GRID2: variants seen among roughly 807,000 people sequenced by gnomAD.
GRID2 encodes the protein glutamate receptor ionotropic, delta-2.
In GRID2, 33 loss-of-function variants were observed where a neutral mutation model predicts 114.8. That is an observed-to-expected ratio of 0.29 (90% CI 0.22 to 0.38). GRID2 has a LOEUF of 0.38. Ranked by LOEUF, GRID2 falls within the 10% of genes least tolerant of loss-of-function variation. GRID2 has a pLI of 1.00. For missense variants in GRID2, 1,184 were observed against 1,257.7 expected, an observed-to-expected ratio of 0.94 and a Z score of 0.89; for synonymous variants, 505 against 449.9, an observed-to-expected ratio of 1.12 and a Z score of -1.55.
chr4:93,548,977 G>C (rs1303810771), intron 13 of GRID2, among the ~76,000 whole-genome samples: 1 of 151,770 alleles, frequency 6.6e-6, no homozygotes, highest in African/African-American at 2.4e-5. Context: ...ATAAAATCAA[G>C]GTGTAGAAGA....
chr4:93,492,260 G>A (rs1487050368), intron 12 of GRID2, among the ~76,000 whole-genome samples: 2 of 151,824 alleles, frequency 1.3e-5, no homozygotes, highest in African/African-American at 4.8e-5. Flanking sequence ...TGATGCATTA[G>A]CTTATTTAAA....
At position 92,444,293 on chromosome 4, in the gene GRID2, C is replaced by G. The variant is rs556699277; in HGVS notation, c.88+139549C>G. ...CACCTGGGTGCAGGCAGGCTGAGTC[C>G]GTAAAGAGAGTCAGTGAAGGGAGAT... On this transcript the variant is annotated intron_variant, in intron 1 of 15. Transcript: ENST00000282020. Among the ~76,000 whole-genome samples, 35 of 152,044 alleles carry G rather than the reference C, an allele frequency of 2.3e-4. No homozygotes were observed. The South Asian group carries it at 7.3e-3, about 32-fold the overall frequency.
intron 1 of GRID2, among the ~76,000 whole-genome samples, chr4:92,500,010 A>G (rs1489734546): frequency 1.3e-5 from 2 of 152,172 alleles, no homozygotes; most frequent in Non-Finnish European, 2.9e-5. Context: ...CTGTTCTTTC[A>G]TTAATATTTT....
At chr4:92,901,582 G>GT (rs1188904492) in intron 2 of GRID2, among the ~76,000 whole-genome samples, 4 of 152,214 alleles carry the variant, frequency 2.6e-5, no homozygotes, top group Admixed American at 6.5e-5. Context: ...GTCCAAAAGA[G>GT]TTTTTCCTAG....
chr4:92,632,719 TGAAGAAAGG>T (rs1298554038), intron 2 of GRID2, among the ~76,000 whole-genome samples: 1 of 127,094 alleles, frequency 7.9e-6, no homozygotes, highest in Non-Finnish European at 1.7e-5. Flanking sequence ...AGGGAAGGAG[TGAAGAAAGG>T]GAAGGAAGGG....
At position 93,216,828 on chromosome 4, in the gene GRID2, A is replaced by T; in HGVS notation, c.880A>T (p.Ile294Leu). Residue 294 changes from isoleucine (I) to leucine (L), a missense_variant, in exon 6 of 16, where the codon ATA becomes TTA. Ile to Leu is a conservative substitution (Grantham distance 5). Transcript: ENST00000282020. ...GCAGACATTTCCAGTTCCCCAGAAC[A>T]TAAGTCAGCGGTGTTTCCGTGGCAA... ...IRQTFPVPQN[I>L]SQRCFRGNHR... 4 of 1,613,006 alleles carry T rather than the reference A, an allele frequency of 2.5e-6. No homozygotes were observed. Among genetic ancestry groups the T allele is most frequent in the Non-Finnish European group, 3.4e-6 (4 of 1,179,048 alleles).
At chr4:93,077,746 A>C (rs1282015387) in intron 2 of GRID2, among the ~76,000 whole-genome samples, 1 of 152,158 alleles carries the variant, frequency 6.6e-6, no homozygotes, top group Non-Finnish European at 1.5e-5. Flanking sequence ...GCTGCCAATC[A>C]GTTATTAAGT....
At chr4:92,569,037 G>A (rs566590170) in intron 1 of GRID2, among the ~76,000 whole-genome samples, 2 of 152,056 alleles carry the variant, frequency 1.3e-5, no homozygotes, top group South Asian at 4.1e-4. Context: ...GCAAAAGTGT[G>A]CCATGGTGGT....
chr4:92,402,445 G>C (rs925107529), intron 1 of GRID2, among the ~76,000 whole-genome samples: 8 of 152,138 alleles, frequency 5.3e-5, no homozygotes, highest in Admixed American at 2.0e-4. Flanking sequence ...AATAAGACTT[G>C]AAAGTTTGTA....
intron 14 of GRID2, among the ~76,000 whole-genome samples, chr4:93,755,809 G>T (rs936644347): frequency 2.0e-5 from 3 of 152,170 alleles, no homozygotes; most frequent in African/African-American, 7.2e-5. Context: ...AGTTGATCAG[G>T]TTTGCCACAT....
At chr4:92,870,640 T>A (rs1436191030) in intron 2 of GRID2, among the ~76,000 whole-genome samples, 2 of 152,200 alleles carry the variant, frequency 1.3e-5, no homozygotes, top group Non-Finnish European at 2.9e-5. Context: ...CATTAACAGA[T>A]GGCATTCAAT....
intron 1 of GRID2, among the ~76,000 whole-genome samples, chr4:92,412,137 G>T (rs968534124): frequency 1.3e-5 from 2 of 150,826 alleles, no homozygotes; most frequent in Non-Finnish European, 3.0e-5. Context: ...GTGTGTGTGT[G>T]GTGTGTGTGT....
intron 1 of GRID2, among the ~76,000 whole-genome samples, chr4:92,497,629 A>C (rs1355947040): frequency 1.3e-5 from 2 of 151,940 alleles, no homozygotes; most frequent in Non-Finnish European, 2.9e-5. Flanking sequence ...GACACGGTAC[A>C]AATGTGTTTC....
chr4:93,486,172 TAAATA>T (rs1188085530), intron 11 of GRID2, among the ~76,000 whole-genome samples: 2 of 151,742 alleles, frequency 1.3e-5, no homozygotes, highest in Non-Finnish European at 1.5e-5. Flanking sequence ...CTGTTATATA[TAAATA>T]AAATCTTTTT....
chr4:92,487,414 A>G (rs1323218436), intron 1 of GRID2, among the ~76,000 whole-genome samples: 1 of 152,022 alleles, frequency 6.6e-6, no homozygotes, highest in Non-Finnish European at 1.5e-5. Context: ...CTGAAAAATG[A>G]ATACTACTAC....
chr4:93,434,352 T>C lies in GRID2; in HGVS notation c.1545+11384T>C, dbSNP rs1580073669. Among the ~76,000 whole-genome samples, 7 of 152,178 alleles carry C rather than the reference T, an allele frequency of 4.6e-5. No individual in the cohort carries two copies. In the South Asian group the frequency reaches 1.5e-3, roughly 32 times the overall value. Reference sequence around the variant, plus strand: ...CCTAAGGAGATATACCTAATGTAAATGTCGAGTTAATGGTTGCAGCACACC... The same window carrying C: ...CCTAAGGAGATATACCTAATGTAAACGTCGAGTTAATGGTTGCAGCACACC... On this transcript the variant is annotated intron_variant, in intron 10 of 15. Coordinates refer to ENST00000282020, the MANE Select transcript of GRID2 (RefSeq NM_001510.4).
At chr4:93,495,017 G>A (rs751743760) in intron 12 of GRID2, among the ~76,000 whole-genome samples, 8 of 151,752 alleles carry the variant, frequency 5.3e-5, no homozygotes, top group Non-Finnish European at 1.2e-4. Flanking sequence ...CACAGTTATA[G>A]TTATTAATAA....
At chr4:93,418,125 T>G (rs1767904237) in intron 9 of GRID2, among the ~76,000 whole-genome samples, 1 of 151,768 alleles carries the variant, frequency 6.6e-6, no homozygotes, top group South Asian at 2.1e-4. Flanking sequence ...AATTTATATA[T>G]CGAGCAGGAG....
At chr4:92,400,684 T>C (rs1260954950) in intron 1 of GRID2, among the ~76,000 whole-genome samples, 1 of 152,120 alleles carries the variant, frequency 6.6e-6, no homozygotes, top group African/African-American at 2.4e-5. Context: ...AACCCCCAAA[T>C]TGTTTTCCAA....
Sources: allele counts gnomAD v4.1 joint callset (sites outside exome capture counted in the v4.1 genomes callset), GRCh38; gene constraint gnomAD v4.1.1; transcripts MANE v1.5; gene names NCBI Gene and HGNC (gene_info 2026-07-23, HGNC 2026-07-21).